IGSF3: variants seen among roughly 807,000 people sequenced by gnomAD.
IGSF3 encodes the protein immunoglobulin superfamily member 3, also known as glu-Trp-Ile EWI motif-containing protein 3.
IGSF3 carries 23 observed loss-of-function variants against 114.4 expected under a neutral mutation model. That is an observed-to-expected ratio of 0.20 (90% CI 0.14 to 0.28). IGSF3 has a LOEUF of 0.28. Among genes scored for constraint, IGSF3 ranks in the 10% least tolerant of loss-of-function variants. IGSF3 has a pLI of 1.00. For missense variants in IGSF3, 1,172 were observed against 1,591.5 expected, an observed-to-expected ratio of 0.74 and a Z score of 4.48; for synonymous variants, 571 against 645.2, an observed-to-expected ratio of 0.88 and a Z score of 1.74.
rs1353835340 is a variant in IGSF3, at chr1:116,657,022, A to G, written c.43+9262T>C. Among the ~76,000 whole-genome samples the G allele has an allele frequency of 1.3e-5, 2 of 152,222 alleles. No homozygotes were observed. Among genetic ancestry groups the G allele is most frequent in the African/African-American group, 2.4e-5 (1 of 41,442 alleles). ...CAGTATCTCTTCATCTTACGTTTAC[A>G]TAATACTTTACCCCAATACATTTTG... On this transcript the variant is annotated intron_variant, in intron 2 of 10. Coordinates refer to ENST00000369486, the MANE Select transcript of IGSF3 (RefSeq NM_001007237.3). This position sits in a 1 kb window ranked among gnomAD's most constrained non-coding sequence, Gnocchi z 4.2.
chr1:116,581,987 G>C (rs1659621489), intron 9 of IGSF3, among the ~76,000 whole-genome samples: 1 of 152,190 alleles, frequency 6.6e-6, no homozygotes, highest in South Asian at 2.1e-4. Context: ...ATCATGGCCA[G>C]GGGCAAGATG....
At position 116,616,134 on chromosome 1, in the gene IGSF3, G is replaced by C. The variant is rs780583758; in HGVS notation, c.367C>G (p.Pro123Ala). The C allele has an allele frequency of 1.2e-6, 2 of 1,613,714 alleles. No individual in the cohort carries two copies. Among genetic ancestry groups the C allele is most frequent in the Non-Finnish European group, 1.7e-6 (2 of 1,179,604 alleles). Reference sequence around the variant, plus strand: ...CCAAAGTATTGCTTATCAGTGCTGGGTGTGTGGCATTCATACTCCCCGGCA... The same window carrying C: ...CCAAAGTATTGCTTATCAGTGCTGGCTGTGTGGCATTCATACTCCCCGGCA... Reference protein sequence around the residue: ...RDAGEYECHTPSTDKQYFGSY... With the variant: ...RDAGEYECHTASTDKQYFGSY... Residue 123 changes from proline to alanine, a missense_variant, in exon 3 of 11, where the codon CCC (proline) becomes GCC (alanine). Physicochemically the swap from Pro to Ala is conservative, Grantham distance 27 (BLOSUM62 -1). Transcript: ENST00000369486. The surrounding 1 kb of genome is among the most constrained non-coding windows in gnomAD (Gnocchi z 6.6).
rs369406068 is a variant in IGSF3 at position 116,592,865 on chromosome 1, C to T, written c.2030-3761G>A. Among the ~76,000 whole-genome samples the T allele has an allele frequency of 6.6e-6, 1 of 152,104 alleles. No individual in the cohort carries two copies. On this transcript the variant is annotated intron_variant, in intron 7 of 10. Coordinates refer to ENST00000369486, the MANE Select transcript of IGSF3 (RefSeq NM_001007237.3). This position sits in a 1 kb window ranked among gnomAD's most constrained non-coding sequence, Gnocchi z 4.5. The stretch of plus-strand genomic sequence containing the variant: ...TGGTTGAATAAATGTGGTTACTTTT[C>T]AAAAGGAGGGGCAATTCTGATTTTG...
At chr1:116,621,369 C>T (rs956118627) in intron 2 of IGSF3, among the ~76,000 whole-genome samples, 2 of 152,112 alleles carry the variant, frequency 1.3e-5, no homozygotes, top group Admixed American at 1.3e-4. Flanking sequence ...ACTGTGTTGC[C>T]CAGGCTGGTC....
In IGSF3 at chr1:116,649,288, C is replaced by T. The variant is rs184247262; in HGVS notation, c.43+16996G>A. On this transcript the variant is annotated intron_variant, in intron 2 of 10. Coordinates refer to ENST00000369486, the MANE Select transcript of IGSF3 (RefSeq NM_001007237.3). This position sits in a 1 kb window ranked among gnomAD's most constrained non-coding sequence, Gnocchi z 4.5. ...CTTCCTCTCCCACTTCATTGACTAA[C>T]GCTAGTCACATGGCCCCAACTGAAC... 1.1e-4 allele frequency among the ~76,000 whole-genome samples: 16 copies of T among 152,346 alleles called. No homozygotes were observed. In the East Asian group the frequency reaches 1.9e-3, roughly 18 times the overall value.
rs1440489409 is a variant in IGSF3 at position 116,661,411 on chromosome 1, T to C, written c.43+4873A>G. On this transcript the variant is annotated intron_variant, in intron 2 of 10. Transcript: ENST00000369486. The surrounding 1 kb of genome is among the most constrained non-coding windows in gnomAD (Gnocchi z 4.0). ...GAATTTTATACAGAAGGTCATGCTA[T>C]GTAAAGTGTTTAGCACAGTGACTGG... is the stretch of plus-strand genomic sequence containing the variant. Among the ~76,000 whole-genome samples the C allele has an allele frequency of 1.3e-5, 2 of 152,246 alleles. No homozygotes were observed. Among genetic ancestry groups the C allele is most frequent in the African/African-American group, 4.8e-5 (2 of 41,466 alleles).
At chr1:116,643,149 G>A (rs1483589860) in intron 2 of IGSF3, among the ~76,000 whole-genome samples, 2 of 152,292 alleles carry the variant, frequency 1.3e-5, no homozygotes, top group East Asian at 3.9e-4. Flanking sequence ...CAATGTGACA[G>A]GTATCAATAG....
rs754121541 is a variant in IGSF3, at chr1:116,579,660, G to GTCC, written c.3065_3066insGGA (p.Asp1021_Asp1022insGlu). 2.2e-4 allele frequency: 350 copies of GTCC among 1,596,080 alleles called. No individual in the cohort carries two copies. The highest frequency in any genetic ancestry group is 9.9e-4 in the Middle Eastern group (6 of 6,040). ...TCCGCTCTGTTGGGTCGTCGTCGTC[G>GTCC]TCGTCGTCCTCCTCCTCCTCCTCCT... On this transcript the variant is annotated inframe_insertion, in exon 10 of 11. Transcript: ENST00000369486. This position sits in a 1 kb window ranked among gnomAD's most constrained non-coding sequence, Gnocchi z 6.4.
rs1660206264 is a variant in IGSF3 at position 116,593,410 on chromosome 1, A to T, written c.2030-4306T>A. Among the ~76,000 whole-genome samples the T allele has an allele frequency of 1.3e-5, 2 of 152,220 alleles. No homozygotes were observed. ...CTGAGGGAGGAAGACACTGCTCTTT[A>T]TTAAAGACAACAGACAGTAATGCTA... On this transcript the variant is annotated intron_variant, in intron 7 of 10. Coordinates refer to ENST00000369486, the MANE Select transcript of IGSF3 (RefSeq NM_001007237.3). This position sits in a 1 kb window ranked among gnomAD's most constrained non-coding sequence, Gnocchi z 4.5.
rs1198574945 is a variant in IGSF3 at position 116,579,507 on chromosome 1, T to C, written c.3219A>G (p.Gln1073=). 1.2e-6 allele frequency: 2 copies of C among 1,613,954 alleles called. No individual in the cohort carries two copies. The highest frequency in any genetic ancestry group is 8.5e-7 in the Non-Finnish European group (1 of 1,179,918). The part of the protein sequence containing the change: ...YRLTVLQASP[Q]DTGNYSCHVE... ...CATGGCAGGAGTAATTGCCTGTATC[T>C]TGGGGGCTTGCCTGCAGCACTGTGA... Residue 1073 remains glutamine, a synonymous_variant, in exon 10 of 11, where the codon CAA becomes CAG. Transcript: ENST00000369486. This position sits in a 1 kb window ranked among gnomAD's most constrained non-coding sequence, Gnocchi z 6.4.
chr1:116,606,086 G>A (rs188762577), intron 5 of IGSF3, among the ~76,000 whole-genome samples: 5,676 of 152,324 alleles, frequency 0.037, 321 homozygotes, highest in African/African-American at 0.13. Context: ...CCTGAGAAAA[G>A]GCAGCCGACA....
rs1033536831 is a variant in IGSF3 at position 116,666,412 on chromosome 1, T to G, written c.-86A>C. On this transcript the variant is annotated 5_prime_UTR_variant, in exon 2 of 11. Coordinates refer to ENST00000369486, the MANE Select transcript of IGSF3 (RefSeq NM_001007237.3). The stretch of plus-strand genomic sequence containing the variant: ...TCATTTCTGGCAATCCACTTATAGC[T>G]CCAGAGAACAGTTTTGGAAATAGAA... 5 of 1,230,616 alleles carry G rather than the reference T, an allele frequency of 4.1e-6. No homozygotes were observed. In the African/African-American group the frequency reaches 7.4e-5, roughly 18 times the overall value. 76.2% of individuals were successfully genotyped at this position (1,230,616 alleles called of 1,614,324 possible). A position where few individuals can be genotyped will look rare whatever the true frequency, so the allele number is the denominator to read the frequency against.
Position 116,636,774 on chromosome 1 carries a change from C to T in IGSF3, c.44-20317G>A, listed in dbSNP as rs1221858555. ...CTCACCACCCACCCCACCCCTTCCA[C>T]ACTCCAAAGACAGCATCTCCGCGAG... On this transcript the variant is annotated intron_variant, in intron 2 of 10. Transcript: ENST00000369486. The surrounding 1 kb of genome is among the most constrained non-coding windows in gnomAD (Gnocchi z 4.5). Among the ~76,000 whole-genome samples, 1 of 152,166 alleles carries T rather than the reference C, an allele frequency of 6.6e-6. No homozygotes were observed. The highest frequency in any genetic ancestry group is 1.5e-5 in the Non-Finnish European group (1 of 68,024).
intron 10 of IGSF3, among the ~76,000 whole-genome samples, chr1:116,578,746 G>C (rs1192155005): frequency 6.6e-6 from 1 of 152,140 alleles, no homozygotes; most frequent in Non-Finnish European, 1.5e-5. Flanking sequence ...AACCAAGAGT[G>C]CATTGTTACA....
Position 116,638,479 on chromosome 1 carries a change from C to T in IGSF3, c.44-22022G>A, listed in dbSNP as rs1647932657. ...TGCCAATCACATCAAGTCCAAACTC[C>T]GTGTCTTGGTATCCAAGGCTTCAAA... On this transcript the variant is annotated intron_variant, in intron 2 of 10. Coordinates refer to ENST00000369486, the MANE Select transcript of IGSF3 (RefSeq NM_001007237.3). The surrounding 1 kb of genome is among the most constrained non-coding windows in gnomAD (Gnocchi z 4.1). 1.3e-5 allele frequency among the ~76,000 whole-genome samples: 2 copies of T among 152,192 alleles called. No individual in the cohort carries two copies. The highest frequency in any genetic ancestry group is 2.9e-5 in the Non-Finnish European group (2 of 68,036).
At position 116,616,310 on chromosome 1, in the gene IGSF3, G is replaced by A. The variant is rs752955522; in HGVS notation, c.191C>T (p.Ser64Leu). 29 of 1,612,016 alleles carry A rather than the reference G, an allele frequency of 1.8e-5. No homozygotes were observed. Among genetic ancestry groups the A allele is most frequent in the East Asian group, 6.7e-5 (3 of 44,904 alleles). Residue 64 changes from serine to leucine, a missense_variant, in exon 3 of 11, where the codon TCG (serine) becomes TTG (leucine). By Grantham distance (145) the Ser-to-Leu change is moderately radical. This residue lies in a region of IGSF3 where 736 missense variants were observed against 1,042.0 expected (regional missense o/e 0.71). Coordinates refer to ENST00000369486, the MANE Select transcript of IGSF3 (RefSeq NM_001007237.3). The surrounding 1 kb of genome is among the most constrained non-coding windows in gnomAD (Gnocchi z 6.6). ...NFQWSIYLPS[S>L]PEREVQIVST... Reference sequence around the variant, plus strand: ...GACGATCTGCACCTCTCGCTCTGGCGACGAAGGCAGGTAAATGGACCACTG... The same window carrying A: ...GACGATCTGCACCTCTCGCTCTGGCAACGAAGGCAGGTAAATGGACCACTG...
chr1:116,648,268 A>G lies in IGSF3; in HGVS notation c.43+18016T>C, dbSNP rs1648485664. 6.6e-6 allele frequency among the ~76,000 whole-genome samples: 1 copy of G among 152,192 alleles called. No individual in the cohort carries two copies. On this transcript the variant is annotated intron_variant, in intron 2 of 10. Coordinates refer to ENST00000369486, the MANE Select transcript of IGSF3 (RefSeq NM_001007237.3). The surrounding 1 kb of genome is among the most constrained non-coding windows in gnomAD (Gnocchi z 4.7). ...CTGTCTTTAAATTTTCAAACTTATC[A>G]AGAAAAGCTCCAGAGAGGACAATGC... is the stretch of plus-strand genomic sequence containing the variant.
In IGSF3 at chr1:116,600,647, A is replaced by T. The variant is rs1164603254; in HGVS notation, c.1625-302T>A. Among the ~76,000 whole-genome samples, 1 of 152,164 alleles carries T rather than the reference A, an allele frequency of 6.6e-6. No homozygotes were observed. Among genetic ancestry groups the T allele is most frequent in the East Asian group, 1.9e-4 (1 of 5,190 alleles). Reference sequence around the variant, plus strand: ...ATTAGACATCACAATCCTCTCAGGGACTGATTGCATGTAGGCAGGGTTGCT... The same window carrying T: ...ATTAGACATCACAATCCTCTCAGGGTCTGATTGCATGTAGGCAGGGTTGCT... On this transcript the variant is annotated intron_variant, in intron 6 of 10. Coordinates refer to ENST00000369486, the MANE Select transcript of IGSF3 (RefSeq NM_001007237.3). This position sits in a 1 kb window ranked among gnomAD's most constrained non-coding sequence, Gnocchi z 5.5.
rs377747493 is a variant in IGSF3, at chr1:116,613,801, G to C, written c.796C>G (p.Arg266Gly). The stretch of plus-strand genomic sequence containing the variant: ...ACGTTGACCACGGCTCCCTCGGAAC[G>C]CTTTCGGGTCATAGCATACCACGAC... ...DGSWYAMTRK[R>G]SEGAVVNVQP... The change falls in exon 4 of 11, where the codon CGT (arginine) becomes GGT (glycine). Residue 266 changes from arginine to glycine, a missense_variant. Physicochemically the swap from Arg to Gly is moderately radical, Grantham distance 125. Around this residue, in one of 3 missense-constraint regions of IGSF3, gnomAD observed 736 missense variants for 1,042.0 expected, o/e 0.71. Coordinates refer to ENST00000369486, the MANE Select transcript of IGSF3 (RefSeq NM_001007237.3). 1.2e-6 allele frequency: 2 copies of C among 1,613,942 alleles called. No homozygotes were observed. Among genetic ancestry groups the C allele is most frequent in the Non-Finnish European group, 1.7e-6 (2 of 1,179,836 alleles).
Sources: gnomAD v4.1 joint callset for allele counts (sites outside exome capture counted in the v4.1 genomes callset) on GRCh38, gnomAD v4.1.1 for gene constraint, gnomAD v4.1.1 regional missense constraint, Gnocchi (gnomAD v3.1) non-coding constraint, MANE v1.5 for transcripts, NCBI Gene and HGNC (gene_info 2026-07-23, HGNC 2026-07-21) for gene names.